Variants in PLEKHG1 observed in about 807,000 individuals in gnomAD.
PLEKHG1 encodes the protein pleckstrin homology domain-containing family G member 1.
In PLEKHG1, 44 loss-of-function variants were observed where a neutral mutation model predicts 100.8. The observed-to-expected ratio is 0.44, with a 90% confidence interval of 0.34 to 0.56. PLEKHG1 has a LOEUF of 0.56. Among genes scored for constraint, PLEKHG1 ranks in the 20% least tolerant of loss-of-function variants. PLEKHG1 has a pLI of 0.01. For missense variants in PLEKHG1, 1,545 were observed against 1,720.9 expected, an observed-to-expected ratio of 0.90 and a Z score of 1.81; for synonymous variants, 640 against 662.5, an observed-to-expected ratio of 0.97 and a Z score of 0.52.
chr6:150,756,215 C>T (rs1480458599), intron 2 of PLEKHG1, among the ~76,000 whole-genome samples: 1 of 152,180 alleles, frequency 6.6e-6, no homozygotes, highest in Non-Finnish European at 1.5e-5. Context: ...TTCTGGGGAA[C>T]ATCCCATCAC....
At chr6:150,841,336 A>G (rs1162674229) in exon 16 of PLEKHG1, 3 of 237,492 alleles carry the variant, frequency 1.3e-5, no homozygotes, top group South Asian at 5.3e-5. Context: ...AATTATGCTT[A>G]TATCTCACAT....
intron 3 of PLEKHG1, among the ~76,000 whole-genome samples, chr6:150,692,404 T>C (rs1347131615): frequency 6.6e-6 from 1 of 152,200 alleles, no homozygotes; most frequent in African/African-American, 2.4e-5. Flanking sequence ...TATCATTTGA[T>C]AAAAGCCTCT....
chr6:150,640,854 C>T (rs926909435), intron 2 of PLEKHG1, among the ~76,000 whole-genome samples: 2 of 152,110 alleles, frequency 1.3e-5, no homozygotes, highest in African/African-American at 4.8e-5. Flanking sequence ...ATGGGGTCTC[C>T]TGTGGTCTAA....
intron 4 of PLEKHG1, among the ~76,000 whole-genome samples, chr6:150,793,292 C>T (rs994085103): frequency 2.6e-5 from 4 of 152,060 alleles, no homozygotes; most frequent in South Asian, 2.1e-4. Context: ...GTCCCAGCTA[C>T]TCTGGAGGTT....
intron 2 of PLEKHG1, among the ~76,000 whole-genome samples, chr6:150,754,292 G>A (rs1321829551): frequency 6.6e-6 from 1 of 152,172 alleles, no homozygotes; most frequent in East Asian, 1.9e-4. Flanking sequence ...GTGAGTGCCT[G>A]TGTTGGTAGA....
intron 11 of PLEKHG1, 45 bp downstream of exon 12, chr6:150,818,261 T>C (rs752610535): frequency 3.8e-6 from 5 of 1,304,282 alleles, no homozygotes; most frequent in Non-Finnish European, 4.4e-6. Context: ...CATTGTCTGT[T>C]TGTATCTATC....
intron 15 of PLEKHG1, among the ~76,000 whole-genome samples, chr6:150,832,966 C>A (rs1777032824): frequency 6.6e-6 from 1 of 151,900 alleles, no homozygotes; most frequent in African/African-American, 2.4e-5. Context: ...TGTGAGCCAC[C>A]ACGCCAGCCA....
At chr6:150,808,421 GTT>G (rs57433304) in intron 7 of PLEKHG1, among the ~76,000 whole-genome samples, 78 of 148,028 alleles carry the variant, frequency 5.3e-4, no homozygotes, top group African/African-American at 1.7e-3. Context: ...CTCTGAAGGA[GTT>G]TTTTTTTTTC....
At chr6:150,725,197 A>G (rs146979719) in intron 1 of PLEKHG1, among the ~76,000 whole-genome samples, 334 of 152,238 alleles carry the variant, frequency 2.2e-3, no homozygotes, top group Admixed American at 3.3e-3. Flanking sequence ...ACATGGCAGA[A>G]GGAGCAAACA....
At chr6:150,716,818 A>T (rs1183207230), upstream of PLEKHG1, among the ~76,000 whole-genome samples, 1 of 149,766 alleles carries the variant, frequency 6.7e-6, no homozygotes, top group Admixed American at 6.7e-5. Context: ...AAAGATTTGG[A>T]ATTCCAGGCC....
chr6:150,753,785 T>TA (rs895477095), intron 2 of PLEKHG1, among the ~76,000 whole-genome samples: 15 of 152,212 alleles, frequency 9.9e-5, no homozygotes, highest in Admixed American at 2.6e-4. Context: ...GGTGGTGTTG[T>TA]AAAAAAATGC....
intron 1 of PLEKHG1, among the ~76,000 whole-genome samples, chr6:150,723,360 T>C (rs1294106376): frequency 6.6e-6 from 1 of 152,226 alleles, no homozygotes; most frequent in Non-Finnish European, 1.5e-5. Flanking sequence ...TGTGGATATA[T>C]GCATTCCTGT....
At chr6:150,830,803 G>A (rs141197193) in exon 15 of PLEKHG1, 404 of 1,614,084 alleles carry the variant, frequency 2.5e-4, no homozygotes, top group East Asian at 9.8e-4. Flanking sequence ...TGTTCGTGCC[G>A]TCATTTTCCT....
chr6:150,705,398 C>T (rs1780962301), intron 3 of PLEKHG1, among the ~76,000 whole-genome samples: 1 of 152,246 alleles, frequency 6.6e-6, no homozygotes, highest in Admixed American at 6.5e-5. Context: ...ATCCCCTGTT[C>T]TCTGACACTG....
At chr6:150,664,657 T>C (rs1001457445) in intron 3 of PLEKHG1, among the ~76,000 whole-genome samples, 2 of 152,152 alleles carry the variant, frequency 1.3e-5, no homozygotes, top group African/African-American at 4.8e-5. Flanking sequence ...TGAAGGGCTG[T>C]GGTGGTGTCT....
intron 5 of PLEKHG1, among the ~76,000 whole-genome samples, chr6:150,798,639 T>C (rs1481440935): frequency 2.6e-5 from 4 of 152,184 alleles, no homozygotes; most frequent in Non-Finnish European, 4.4e-5. Context: ...CTAAATGCAA[T>C]GGTGGAAGAG....
At chr6:150,832,418 G>A (rs563463588) in intron 15 of PLEKHG1, among the ~76,000 whole-genome samples, 6 of 152,188 alleles carry the variant, frequency 3.9e-5, no homozygotes, top group Admixed American at 1.3e-4. Context: ...TCAGAGGGTG[G>A]TGGTGTGCAT....
intron 3 of PLEKHG1, among the ~76,000 whole-genome samples, chr6:150,688,925 A>G (rs928105162): frequency 1.3e-5 from 2 of 152,228 alleles, no homozygotes; most frequent in African/African-American, 4.8e-5. Context: ...TTAAATGTGC[A>G]ATTCAGTGGC....
At chr6:150,814,438 CCTTT>C (rs1787736192) in intron 10 of PLEKHG1, among the ~76,000 whole-genome samples, 2 of 152,236 alleles carry the variant, frequency 1.3e-5, no homozygotes, top group African/African-American at 4.8e-5. Flanking sequence ...AGTTGTCGAT[CCTTT>C]CTATCTAAAA....
Sources: allele counts gnomAD v4.1 joint callset (sites outside exome capture counted in the v4.1 genomes callset), GRCh38; gene constraint gnomAD v4.1.1; transcripts MANE v1.5; gene names NCBI Gene and HGNC (gene_info 2026-07-23, HGNC 2026-07-21).